The following SORCS3 variants were observed in gnomAD, a reference collection of about 807,000 sequenced individuals.
SORCS3 encodes sortilin related VPS10 domain containing receptor 3.
In SORCS3, 57 loss-of-function variants were observed where a neutral mutation model predicts 146.3. That is an observed-to-expected ratio of 0.39 (90% confidence interval 0.31 to 0.49). The LOEUF (loss-of-function observed/expected upper bound fraction) is 0.49, where lower values mean the gene tolerates loss of function less well. SORCS3 is among the 20% of genes least tolerant of loss of function. The pLI, the probability that SORCS3 is intolerant of heterozygous loss-of-function variation, is 0.92. For synonymous variants in SORCS3, 653 were observed against 618.5 expected (o/e 1.06, Z -0.83); for missense variants, 1,341 against 1,575.5 (o/e 0.85, Z 2.52).
intron 14 of SORCS3, among the ~76,000 whole-genome samples, chr10:105,195,700 A>G (rs1301650887): frequency 1.3e-5 from 2 of 152,178 alleles, no homozygotes; most frequent in Non-Finnish European, 2.9e-5. Flanking sequence ...GAAAGGGACC[A>G]CAGTGAACTT....
intron 1 of SORCS3, among the ~76,000 whole-genome samples, chr10:104,775,393 T>C (rs534878105): frequency 6.6e-6 from 1 of 152,350 alleles, no homozygotes; most frequent in Non-Finnish European, 1.5e-5. Flanking sequence ...TTGTTAGGTG[T>C]TAGGAATGCA....
chr10:104,656,024 T>A (rs2015625692), intron 1 of SORCS3, among the ~76,000 whole-genome samples: 2 of 152,180 alleles, frequency 1.3e-5, no homozygotes, highest in South Asian at 4.1e-4. Flanking sequence ...TGGAGTCCCC[T>A]CTATGTGCCA....
intron 7 of SORCS3, among the ~76,000 whole-genome samples, chr10:105,119,048 C>T (rs2055912749): frequency 6.6e-6 from 1 of 152,194 alleles, no homozygotes; most frequent in Non-Finnish European, 1.5e-5. Context: ...CCTCTCATCA[C>T]AGTCCCGAGG....
intron 20 of SORCS3, among the ~76,000 whole-genome samples, chr10:105,239,433 T>C (rs1016448676): frequency 3.3e-5 from 5 of 152,216 alleles, no homozygotes; most frequent in African/African-American, 1.2e-4. Context: ...TGATGTAGGC[T>C]GCATCCAAAG....
chr10:105,100,402 G>T (rs371147933), intron 6 of SORCS3, among the ~76,000 whole-genome samples: 5 of 152,260 alleles, frequency 3.3e-5, no homozygotes, highest in African/African-American at 1.2e-4. Flanking sequence ...CAAAGGAGAG[G>T]TTAGAAAATA....
chr10:105,023,722 TG>T (rs1176003700), intron 4 of SORCS3, among the ~76,000 whole-genome samples: 2 of 151,946 alleles, frequency 1.3e-5, no homozygotes, highest in Non-Finnish European at 2.9e-5. Flanking sequence ...ATCCAAATGA[TG>T]GGTCCAATAG....
intron 1 of SORCS3, among the ~76,000 whole-genome samples, chr10:104,741,109 A>G (rs1268640463): frequency 6.7e-6 from 1 of 148,956 alleles, no homozygotes; most frequent in Non-Finnish European, 1.5e-5. Flanking sequence ...CTACAGGTGC[A>G]TTCCACTACA....
At chr10:104,834,802 T>C (rs1774630394) in intron 1 of SORCS3, among the ~76,000 whole-genome samples, 1 of 152,030 alleles carries the variant, frequency 6.6e-6, no homozygotes, top group Non-Finnish European at 1.5e-5. Flanking sequence ...AAGCATGCTA[T>C]ACATATTAGT....
intron 2 of SORCS3, among the ~76,000 whole-genome samples, chr10:104,874,446 C>A (rs529895121): frequency 6.6e-6 from 1 of 152,236 alleles, no homozygotes; most frequent in Admixed American, 6.5e-5. Flanking sequence ...TTGCCCTCTG[C>A]ATTGTGTATA....
intron 2 of SORCS3, among the ~76,000 whole-genome samples, chr10:104,890,035 ATCT>A (rs1192773243): frequency 6.6e-6 from 1 of 152,168 alleles, no homozygotes; most frequent in Non-Finnish European, 1.5e-5. Flanking sequence ...CTATAAAATA[ATCT>A]TCTGTCATCC....
intron 1 of SORCS3, among the ~76,000 whole-genome samples, chr10:104,693,989 C>T (rs1400452100): frequency 1.3e-5 from 2 of 151,978 alleles, no homozygotes; most frequent in African/African-American, 2.4e-5. Context: ...CTCTCTTCAG[C>T]AAGACACACA....
At chr10:104,694,748 A>T (rs534472039) in intron 1 of SORCS3, among the ~76,000 whole-genome samples, 18 of 152,194 alleles carry the variant, frequency 1.2e-4, no homozygotes, top group African/African-American at 3.9e-4. Flanking sequence ...TGTCCTTCAG[A>T]TACTCCCACA....
At chr10:104,958,079 C>T (rs1282372215) in intron 3 of SORCS3, among the ~76,000 whole-genome samples, 1 of 152,100 alleles carries the variant, frequency 6.6e-6, no homozygotes, top group Non-Finnish European at 1.5e-5. Flanking sequence ...CATTTTTCCT[C>T]CTGCTTTCTA....
intron 4 of SORCS3, among the ~76,000 whole-genome samples, chr10:104,985,184 A>T (rs1564728623): frequency 6.6e-6 from 1 of 152,172 alleles, no homozygotes; most frequent in Non-Finnish European, 1.5e-5. Flanking sequence ...AACCCTGATA[A>T]ATCTTGCTTT....
chr10:105,196,808 C>G (rs1315248400), intron 14 of SORCS3, among the ~76,000 whole-genome samples: 1 of 152,132 alleles, frequency 6.6e-6, no homozygotes, highest in Non-Finnish European at 1.5e-5. Flanking sequence ...ATATTGCCAC[C>G]TGTATTAGTT....
intron 4 of SORCS3, among the ~76,000 whole-genome samples, chr10:105,017,323 G>A (rs7920108): frequency 0.15 from 22,618 of 152,038 alleles, 1,858 homozygotes; most frequent in African/African-American, 0.19. Context: ...AGGACTCCAA[G>A]ATGCAGTGAA....
chr10:105,079,316 C>T (rs1423385540), intron 5 of SORCS3, among the ~76,000 whole-genome samples: 1 of 152,198 alleles, frequency 6.6e-6, no homozygotes, highest in African/African-American at 2.4e-5. Flanking sequence ...GAAAGTTCCT[C>T]AAGTGATACT....
intron 1 of SORCS3, among the ~76,000 whole-genome samples, chr10:104,746,350 A>T (rs934470176): frequency 5.3e-5 from 8 of 152,006 alleles, no homozygotes; most frequent in Admixed American, 4.6e-4. Context: ...GTTAGCCAGG[A>T]TGGTCTCGAT....
At chr10:105,032,801 C>T (rs2055278224) in intron 4 of SORCS3, among the ~76,000 whole-genome samples, 1 of 151,964 alleles carries the variant, frequency 6.6e-6, no homozygotes, top group South Asian at 2.1e-4. Flanking sequence ...AAATTGAACA[C>T]AGTGAGGAGG....
Sources: allele counts gnomAD v4.1 joint callset (sites outside exome capture counted in the v4.1 genomes callset), GRCh38; gene constraint gnomAD v4.1.1; transcripts MANE v1.5; gene names NCBI Gene and HGNC (gene_info 2026-07-23, HGNC 2026-07-21).